The following C9orf85 variants were observed in gnomAD, a reference collection of about 807,000 sequenced individuals.
C9orf85 encodes the protein uncharacterized protein C9orf85.
C9orf85 carries 16 observed loss-of-function variants against 14.9 expected under a neutral mutation model. The observed-to-expected ratio is 1.08, with a 90% CI of 0.73 to 1.63. The LOEUF is 1.63. Ranked by LOEUF, C9orf85 falls within the 40% of genes most tolerant of loss-of-function variation. C9orf85 has a pLI of 0.00. For missense variants in C9orf85, 172 were observed against 186.1 expected (o/e 0.92, Z 0.44); for synonymous variants, 45 against 56.8 (o/e 0.79, Z 0.93).
intron 1 of C9orf85, among the ~76,000 whole-genome samples, chr9:71,929,295 T>C: frequency 6.6e-6 from 1 of 152,214 alleles, no homozygotes; most frequent in East Asian, 1.9e-4. Context: ...AGTCCATCAG[T>C]GGTTTGTCTC....
chr9:71,971,158 C>T (rs567021927), intron 2 of C9orf85, among the ~76,000 whole-genome samples: 18 of 152,234 alleles, frequency 1.2e-4, no homozygotes, highest in Non-Finnish European at 2.1e-4. Context: ...ATTGGTCTTG[C>T]ACTTCTTTTA....
At position 71,971,485 on chromosome 9, in the gene C9orf85, C is replaced by A; in HGVS notation, c.210-20C>A. 7.4e-7 allele frequency: 1 copy of A among 1,343,566 alleles called. No individual in the cohort carries two copies. The highest frequency in any genetic ancestry group is 1.0e-6 in the Non-Finnish European group (1 of 960,974). The allele number at this position is 1,343,566 out of a possible 1,614,324, so 83.2% of individuals were successfully genotyped here. A position where few individuals can be genotyped will look rare whatever the true frequency, so the allele number is the denominator to read the frequency against. On this transcript the variant is annotated intron_variant, in intron 2 of 3. Coordinates refer to ENST00000334731, the MANE Select transcript of C9orf85 (RefSeq NM_182505.5). ...TCTGAAATAAACATAAATAAGTTAACATTTTATTTTTTATTTTAGTGTTAA... is the reference window on the plus strand; with the variant it reads ...TCTGAAATAAACATAAATAAGTTAAAATTTTATTTTTTATTTTAGTGTTAA...
intron 2 of C9orf85, among the ~76,000 whole-genome samples, 197 bp from the exon 3 acceptor site, chr9:71,971,308 G>A (rs1284330827): frequency 6.6e-6 from 1 of 152,116 alleles, no homozygotes; most frequent in Non-Finnish European, 1.5e-5. Flanking sequence ...ATATCCAGCA[G>A]TTTTATTCTG....
chr9:71,983,561 G>T (rs1028966399), downstream of C9orf85: 1 of 152,202 alleles, frequency 6.6e-6, no homozygotes, highest in African/African-American at 2.4e-5. Context: ...ATTGACAGAG[G>T]TTTGGACTCC....
intron 1 of C9orf85, among the ~76,000 whole-genome samples, chr9:71,937,396 C>T (rs1828216468): frequency 6.6e-6 from 1 of 152,162 alleles, no homozygotes; most frequent in Non-Finnish European, 1.5e-5. Flanking sequence ...AACTGAATAG[C>T]TTTGCCCACT....
At chr9:71,922,757 C>T (rs942494737) in intron 1 of C9orf85, among the ~76,000 whole-genome samples, 1 of 152,236 alleles carries the variant, frequency 6.6e-6, no homozygotes, top group Non-Finnish European at 1.5e-5. Flanking sequence ...TCTGACATCT[C>T]ATTGCCACCT....
At chr9:71,960,981 T>C (rs1822502531) in intron 2 of C9orf85, among the ~76,000 whole-genome samples, 1 of 150,902 alleles carries the variant, frequency 6.6e-6, no homozygotes, top group South Asian at 2.1e-4. Flanking sequence ...GACACAATCT[T>C]GGCTCACCAC....
intron 2 of C9orf85, among the ~76,000 whole-genome samples, chr9:71,952,497 T>C (rs532053402): frequency 5.3e-5 from 8 of 152,278 alleles, no homozygotes; most frequent in African/African-American, 1.9e-4. Flanking sequence ...CCCGAGTAGC[T>C]GGGACTACAG....
In C9orf85 at chr9:71,947,012, A is replaced by G; in HGVS notation, c.109A>G (p.Asn37Asp). ...CTTTCTGTTTGTTTTTAAGAAAATTAATGCAAAACTTCATGATGGAGTATG... is the reference window on the plus strand; with the variant it reads ...CTTTCTGTTTGTTTTTAAGAAAATTGATGCAAAACTTCATGATGGAGTATG... Reference protein sequence around the residue: ...FDKSVQTKKINAKLHDGVCQR... With the variant: ...FDKSVQTKKIDAKLHDGVCQR... Residue 37 changes from asparagine to aspartate, a missense_variant, in exon 2 of 4, where the codon AAT becomes GAT. By Grantham distance (23) the Asn-to-Asp change is conservative (BLOSUM62 1). Transcript: ENST00000334731. The G allele has an allele frequency of 6.2e-7, 1 of 1,609,526 alleles. No homozygotes were observed. The highest frequency in any genetic ancestry group is 1.1e-5 in the South Asian group (1 of 90,452).
At chr9:71,924,694 C>G (rs1318155647) in intron 1 of C9orf85, among the ~76,000 whole-genome samples, 1 of 152,168 alleles carries the variant, frequency 6.6e-6, no homozygotes, top group Non-Finnish European at 1.5e-5. Context: ...AGGTGTCTGT[C>G]TTGTTTGTTT....
At chr9:71,948,058 T>C (rs1181028200) in intron 2 of C9orf85, among the ~76,000 whole-genome samples, 1 of 152,388 alleles carries the variant, frequency 6.6e-6, no homozygotes, top group East Asian at 1.9e-4. Flanking sequence ...GAGTAATTGC[T>C]GCATGAAAGA....
In C9orf85 at chr9:71,970,099, C is replaced by G. The variant is rs576100833; in HGVS notation, c.210-1406C>G. Among the ~76,000 whole-genome samples, 9 of 152,266 alleles carry G rather than the reference C, an allele frequency of 5.9e-5. No homozygotes were observed. The South Asian group carries it at 1.9e-3, about 32-fold the overall frequency. ...AGCTGAGATTGCAGATGTGCTCCCC[C>G]ATGCCCAGCTAATTTTTTTTGTATT... On this transcript the variant is annotated intron_variant, in intron 2 of 3. Coordinates refer to ENST00000334731, the MANE Select transcript of C9orf85 (RefSeq NM_182505.5).
intron 3 of C9orf85, among the ~76,000 whole-genome samples, chr9:71,979,067 G>A (rs941415611): frequency 1.3e-4 from 20 of 152,160 alleles, no homozygotes; most frequent in African/African-American, 4.6e-4. Context: ...TTATTTAGTT[G>A]TATGTCAGTT....
chr9:71,928,450 A>C (rs933626849), intron 1 of C9orf85, among the ~76,000 whole-genome samples: 1 of 152,348 alleles, frequency 6.6e-6, no homozygotes, highest in Admixed American at 6.5e-5. Flanking sequence ...GATGCTTAGC[A>C]TAATGCGGAG....
chr9:71,950,639 G>A (rs1822221515), intron 2 of C9orf85, among the ~76,000 whole-genome samples: 1 of 152,184 alleles, frequency 6.6e-6, no homozygotes, highest in Non-Finnish European at 1.5e-5. Flanking sequence ...CAAAGTGCTG[G>A]AATTATAGGC....
At chr9:71,915,783 A>G (rs1827633463) in intron 1 of C9orf85, among the ~76,000 whole-genome samples, 1 of 152,230 alleles carries the variant, frequency 6.6e-6, no homozygotes. Flanking sequence ...CTCATTCAGT[A>G]AAGTGGATGT....
At chr9:71,937,602 T>C (rs1233949522) in intron 1 of C9orf85, among the ~76,000 whole-genome samples, 1 of 152,240 alleles carries the variant, frequency 6.6e-6, no homozygotes, top group Non-Finnish European at 1.5e-5. Flanking sequence ...GAGGATCATT[T>C]TGAGTATTTC....
intron 2 of C9orf85, among the ~76,000 whole-genome samples, chr9:71,950,713 G>A (rs983691489): frequency 2.6e-5 from 4 of 152,248 alleles, no homozygotes; most frequent in Admixed American, 1.3e-4. Flanking sequence ...CTGCCATGCT[G>A]AGTATTTCCA....
downstream of C9orf85, among the ~76,000 whole-genome samples, chr9:71,974,434 A>G (rs1286839031): frequency 6.7e-6 from 1 of 149,400 alleles, no homozygotes; most frequent in African/African-American, 2.5e-5. Context: ...AGTAGAGACG[A>G]AGTTTCACCA....
Sources: allele counts gnomAD v4.1 joint callset (sites outside exome capture counted in the v4.1 genomes callset), GRCh38; gene constraint gnomAD v4.1.1; transcripts MANE v1.5; gene names NCBI Gene and HGNC (gene_info 2026-07-23, HGNC 2026-07-21).